The following NDST4 variants were observed in gnomAD, a reference collection of about 807,000 sequenced individuals.
NDST4 encodes N-heparan sulfate sulfotransferase 4.
NDST4 carries 63 observed loss-of-function variants against 100.8 expected under a neutral mutation model. The ratio of observed to expected loss-of-function variants is 0.62; its 90% confidence interval spans 0.51 to 0.77. NDST4 has a LOEUF of 0.77. Ranked by LOEUF, NDST4 falls within the 30% of genes least tolerant of loss-of-function variation. The pLI, the probability that NDST4 is intolerant of heterozygous loss-of-function variation, is 0.00. For synonymous variants in NDST4, 377 were observed against 361.8 expected (o/e 1.04, Z -0.48); for missense variants, 943 against 1,018.4 (o/e 0.93, Z 1.01).
chr4:115,092,416 C>T (rs1000221040), intron 1 of NDST4, among the ~76,000 whole-genome samples: 4 of 151,846 alleles, frequency 2.6e-5, no homozygotes, highest in Non-Finnish European at 4.4e-5. Context: ...ATTTCTCAAA[C>T]GTAAGAAGCA....
intron 2 of NDST4, among the ~76,000 whole-genome samples, chr4:115,011,812 C>T (rs1727553443): frequency 6.6e-6 from 1 of 151,834 alleles, no homozygotes; most frequent in South Asian, 2.1e-4. Flanking sequence ...GAAATGAAAG[C>T]ATATTTATTG....
chr4:115,046,155 T>C (rs1025454693), intron 2 of NDST4, among the ~76,000 whole-genome samples: 2 of 152,042 alleles, frequency 1.3e-5, no homozygotes, highest in Non-Finnish European at 2.9e-5. Flanking sequence ...CATTCCAGAG[T>C]TCCTTTCAGG....
chr4:115,018,321 G>A (rs1203182378), intron 2 of NDST4, among the ~76,000 whole-genome samples: 1 of 151,850 alleles, frequency 6.6e-6, no homozygotes, highest in South Asian at 2.1e-4. Flanking sequence ...GTAGAATAGA[G>A]TTAAAATTCT....
At chr4:114,997,436 C>A (rs950520955) in intron 2 of NDST4, among the ~76,000 whole-genome samples, 2 of 151,914 alleles carry the variant, frequency 1.3e-5, no homozygotes, top group African/African-American at 4.8e-5. Context: ...AATTCATAAA[C>A]CCAGCTCTAA....
chr4:114,905,050 C>T (rs900080387), intron 6 of NDST4, among the ~76,000 whole-genome samples: 1 of 151,294 alleles, frequency 6.6e-6, no homozygotes, highest in African/African-American at 2.4e-5. Context: ...AACAAACAAA[C>T]AAAAGACAGC....
At chr4:114,919,100 C>A (rs1277641997) in intron 6 of NDST4, among the ~76,000 whole-genome samples, 1 of 152,102 alleles carries the variant, frequency 6.6e-6, no homozygotes, top group Non-Finnish European at 1.5e-5. Context: ...TATTTAAAAT[C>A]TTAGCTAAAG....
At chr4:114,956,969 C>T (rs1478635710) in intron 4 of NDST4, among the ~76,000 whole-genome samples, 1 of 151,972 alleles carries the variant, frequency 6.6e-6, no homozygotes, top group Non-Finnish European at 1.5e-5. Flanking sequence ...CTCTAAAGGG[C>T]CAAGGTGCCA....
intron 2 of NDST4, among the ~76,000 whole-genome samples, chr4:115,001,229 G>T (rs138176421): frequency 1.5e-3 from 235 of 152,062 alleles, no homozygotes; most frequent in African/African-American, 5.3e-3. Context: ...TTCTGGCATT[G>T]CATGAGGTCT....
chr4:114,995,606 A>G (rs549604103), intron 2 of NDST4, among the ~76,000 whole-genome samples: 16 of 152,194 alleles, frequency 1.1e-4, no homozygotes, highest in African/African-American at 3.6e-4. Context: ...GATGTTAAAC[A>G]ATCCTGATAC....
chr4:114,848,188 G>T (rs765287868), intron 9 of NDST4, 27 bp downstream of exon 9: 87 of 1,575,218 alleles, frequency 5.5e-5, no homozygotes, highest in Middle Eastern at 1.8e-4. Flanking sequence ...GTTAATAATG[G>T]AATTTATTTT....
At chr4:115,003,490 G>A (rs779475858) in intron 2 of NDST4, among the ~76,000 whole-genome samples, 29 of 151,968 alleles carry the variant, frequency 1.9e-4, no homozygotes, top group Non-Finnish European at 3.8e-4. Context: ...ATTTTATGAT[G>A]CATTCACCTT....
intron 9 of NDST4, 56 bp from the exon 10 acceptor site, chr4:114,846,053 C>A (rs1319309103): frequency 4.6e-6 from 6 of 1,314,008 alleles, no homozygotes; most frequent in African/African-American, 1.5e-5. Context: ...TTGCCATATT[C>A]TGAATGTGAA....
intron 1 of NDST4, among the ~76,000 whole-genome samples, chr4:115,082,501 T>A (rs1211448682): frequency 6.6e-6 from 1 of 152,114 alleles, no homozygotes; most frequent in Non-Finnish European, 1.5e-5. Context: ...TGCATATACG[T>A]GTGGTTGTTT....
chr4:114,941,253 G>A (rs1374790201), intron 4 of NDST4, among the ~76,000 whole-genome samples: 1 of 152,142 alleles, frequency 6.6e-6, no homozygotes, highest in Non-Finnish European at 1.5e-5. Flanking sequence ...ATTCACAAGT[G>A]TCTGAGCTAT....
intron 4 of NDST4, among the ~76,000 whole-genome samples, chr4:114,949,199 A>G (rs888535746): frequency 5.3e-5 from 8 of 151,850 alleles, no homozygotes; most frequent in Non-Finnish European, 1.2e-4. Flanking sequence ...TAATAACTCT[A>G]TCAATTTTTT....
intron 2 of NDST4, among the ~76,000 whole-genome samples, chr4:114,981,172 T>C (rs1269233494): frequency 6.6e-6 from 1 of 151,474 alleles, no homozygotes; most frequent in Admixed American, 6.6e-5. Flanking sequence ...ATGAGCCATG[T>C]TCATGCCAAT....
At chr4:114,831,568 A>C (rs939665345) in intron 12 of NDST4, among the ~76,000 whole-genome samples, 2 of 152,190 alleles carry the variant, frequency 1.3e-5, no homozygotes, top group Non-Finnish European at 2.9e-5. Context: ...ATATTTATAC[A>C]CATGCTGAGA....
chr4:114,966,713 C>T lies in NDST4; in HGVS notation c.1221+3717G>A, dbSNP rs568289593. Among the ~76,000 whole-genome samples the T allele has an allele frequency of 2.0e-5, 3 of 152,108 alleles. No individual in the cohort carries two copies. The South Asian group carries it at 6.2e-4, about 32-fold the overall frequency. ...TGTTCATTTAGTTTGAAAATATTTTCTCATAATTGCTTCAATTCCAGCTAG... is the reference window on the plus strand; with the variant it reads ...TGTTCATTTAGTTTGAAAATATTTTTTCATAATTGCTTCAATTCCAGCTAG... On this transcript the variant is annotated intron_variant, in intron 4 of 13. Coordinates refer to ENST00000264363, the MANE Select transcript of NDST4 (RefSeq NM_022569.3).
intron 4 of NDST4, among the ~76,000 whole-genome samples, chr4:114,940,655 G>A (rs764101701): frequency 6.6e-6 from 1 of 152,172 alleles, no homozygotes; most frequent in Non-Finnish European, 1.5e-5. Flanking sequence ...CTCGGTGGAA[G>A]GTCAGGTGAC....
Sources: gnomAD v4.1 joint callset for allele counts (sites outside exome capture counted in the v4.1 genomes callset) on GRCh38, gnomAD v4.1.1 for gene constraint, MANE v1.5 for transcripts, NCBI Gene and HGNC (gene_info 2026-07-23, HGNC 2026-07-21) for gene names.